The following PER3 variants were observed in gnomAD, a reference collection of about 807,000 sequenced individuals.
PER3 encodes the protein period circadian protein homolog 3.
In PER3, 107 loss-of-function variants were observed where a neutral mutation model predicts 127.2. The ratio of observed to expected loss-of-function variants is 0.84; its 90% confidence interval spans 0.72 to 0.99. PER3 has a LOEUF of 0.99. Ranked by LOEUF, PER3 falls within the 50% of genes least tolerant of loss-of-function variation. The pLI, the probability that PER3 is intolerant of heterozygous loss-of-function variation, is 0.00. For missense variants in PER3, 1,560 were observed against 1,525.8 expected (o/e 1.02, Z -0.37); for synonymous variants, 618 against 585.8 (o/e 1.05, Z -0.79).
In PER3 at chr1:7,801,184, G is replaced by A. The variant is rs1290464310; in HGVS notation, c.865G>A (p.Asp289Asn). Residue 289 changes from aspartate (D) to asparagine (N), a missense_variant, in exon 8 of 22, where the codon GAT (aspartate) becomes AAT (asparagine). By Grantham distance (23) the Asp-to-Asn change is conservative. Coordinates refer to ENST00000377532, the MANE Select transcript of PER3 (RefSeq NM_001377275.1). The part of the protein sequence containing the change: ...HTPGCVFLEV[D>N]EKAVPLLGYL... Reference sequence around the variant, plus strand: ...CCCAGGGTGTGTTTTTCTTGAAGTAGATGAAAAGTAAGTACTTCTTTAAGC... The same window carrying A: ...CCCAGGGTGTGTTTTTCTTGAAGTAAATGAAAAGTAAGTACTTCTTTAAGC... 1.3e-6 allele frequency: 2 copies of A among 1,562,902 alleles called. No individual in the cohort carries two copies. Among genetic ancestry groups the A allele is most frequent in the Non-Finnish European group, 1.8e-6 (2 of 1,140,396 alleles).
At chr1:7,819,256 T>G (rs776944068) in intron 13 of PER3, 29 bp from the exon 14 acceptor site, 2 of 1,598,520 alleles carry the variant, frequency 1.3e-6, no homozygotes, top group Non-Finnish European at 1.7e-6. Flanking sequence ...TGGGTACTTT[T>G]AATTGCACAT....
chr1:7,784,626 C>T (rs2097076126), intron 1 of PER3, 28 bp from the exon 2 acceptor site: 1 of 374,620 alleles, frequency 2.7e-6, no homozygotes, highest in East Asian at 4.3e-5. Context: ...TCCATTTGTC[C>T]CTTGTCACCC....
chr1:7,834,550 G>T (rs2097348823), intron 19 of PER3, among the ~76,000 whole-genome samples: 1 of 152,024 alleles, frequency 6.6e-6, no homozygotes, highest in Non-Finnish European at 1.5e-5. Context: ...CAAACTCCTG[G>T]GCTCAAGCAA....
chr1:7,827,538 C>T lies in PER3; in HGVS notation c.2609C>T (p.Ser870Leu), dbSNP rs1232390742. 8.7e-6 allele frequency: 14 copies of T among 1,614,068 alleles called. No homozygotes were observed. The highest frequency in any genetic ancestry group is 2.2e-5 in the South Asian group (2 of 91,088). The change falls in exon 18 of 22, where the codon TCG (serine) becomes TTG (leucine). Residue 870 changes from serine (S) to leucine (L), a missense_variant. By Grantham distance (145) the Ser-to-Leu change is moderately radical. Coordinates refer to ENST00000377532, the MANE Select transcript of PER3 (RefSeq NM_001377275.1). ...LPDPPVCPLLSPSFLPCPFLG... is the reference protein window; with the variant it reads ...LPDPPVCPLLLPSFLPCPFLG... The stretch of plus-strand genomic sequence containing the variant: ...GACCCCCCTGTCTGTCCTCTGTTGT[C>T]GCCATCGTTTTTGCCATGTCCATTC...
rs973240078 is a variant in PER3, at chr1:7,845,057, A to C, written c.*2302A>C. 1 of 152,388 alleles carries C rather than the reference A, an allele frequency of 6.6e-6. No individual in the cohort carries two copies. The highest frequency in any genetic ancestry group is 1.5e-5 in the Non-Finnish European group (1 of 68,056). 9.4% of individuals were successfully genotyped at this position (152,388 alleles called of 1,614,324 possible). On this transcript the variant is annotated 3_prime_UTR_variant, in exon 22 of 22. Transcript: ENST00000377532. Reference sequence around the variant, plus strand: ...CACAGTGTAAATTTAATCCAAACTGAAATTTTGTTTCAACTGAATTTGTAA... The same window carrying C: ...CACAGTGTAAATTTAATCCAAACTGCAATTTTGTTTCAACTGAATTTGTAA...
intron 16 of PER3, among the ~76,000 whole-genome samples, chr1:7,825,445 G>A (rs1286806388): frequency 6.6e-6 from 1 of 152,208 alleles, no homozygotes; most frequent in Non-Finnish European, 1.5e-5. Context: ...CAGCAGTGTA[G>A]AAGTATGAGA....
Position 7,784,693 on chromosome 1 carries a change from A to G in PER3, c.-185A>G. Reference sequence around the variant, plus strand: ...AGTCGAGCGAGCTCCGGGTTTTGAAAATGTTGGAGGGAAAAGCTCCTCGGA... The same window carrying G: ...AGTCGAGCGAGCTCCGGGTTTTGAAGATGTTGGAGGGAAAAGCTCCTCGGA... On this transcript the variant is annotated 5_prime_UTR_variant, in exon 2 of 22. Transcript: ENST00000377532. 1.8e-6 allele frequency: 1 copy of G among 541,114 alleles called. No homozygotes were observed. The highest frequency in any genetic ancestry group is 3.7e-5 in the South Asian group (1 of 27,116). The allele number at this position is 541,114 out of a possible 1,614,324, so 33.5% of individuals were successfully genotyped here. A position where few individuals can be genotyped will look rare whatever the true frequency, so the allele number is the denominator to read the frequency against.
At chr1:7,810,101 G>GTA (rs2097212866) in intron 12 of PER3, 80 bp downstream of exon 12, 22 of 1,353,918 alleles carry the variant, frequency 1.6e-5, no homozygotes, top group Non-Finnish European at 2.1e-5. Context: ...TGACATCTTA[G>GTA]TATATATTCC....
At chr1:7,823,831 AACT>A (rs1471697869) in intron 16 of PER3, among the ~76,000 whole-genome samples, 1 of 152,200 alleles carries the variant, frequency 6.6e-6, no homozygotes, top group Non-Finnish European at 1.5e-5. Flanking sequence ...GAGACCCAGT[AACT>A]GTATAATCCA....
intron 5 of PER3, among the ~76,000 whole-genome samples, chr1:7,793,114 T>C (rs1165757137): frequency 2.0e-5 from 3 of 152,254 alleles, no homozygotes; most frequent in Non-Finnish European, 2.9e-5. Flanking sequence ...CTGTTTATGC[T>C]ACCTTCAGTG....
chr1:7,814,394 G>T (rs1293589427), intron 13 of PER3, among the ~76,000 whole-genome samples: 1 of 152,210 alleles, frequency 6.6e-6, no homozygotes, highest in African/African-American at 2.4e-5. Flanking sequence ...AATTGTAACA[G>T]ACATTTCTTC....
At position 7,810,422 on chromosome 1, in the gene PER3, C is replaced by G; in HGVS notation, c.1372-16C>G. ...TTATAATTTTTGAAACATATTTTAT[C>G]ATTCCTTTCCCTAAGATGACCTTGC... On this transcript the variant is annotated splice_polypyrimidine_tract_variant and intron_variant, in intron 12 of 21. Transcript: ENST00000377532. 2 of 1,556,674 alleles carry G rather than the reference C, an allele frequency of 1.3e-6. No homozygotes were observed. Among genetic ancestry groups the G allele is most frequent in the Admixed American group, 4.0e-5 (2 of 50,232 alleles).
rs770356226 is a variant in PER3 at position 7,827,361 on chromosome 1, C to A, written c.2432C>A (p.Pro811His). 1 of 1,614,136 alleles carries A rather than the reference C, an allele frequency of 6.2e-7. No homozygotes were observed. Residue 811 changes from proline (P) to histidine (H), a missense_variant, in exon 18 of 22, where the codon CCC (proline) becomes CAC (histidine). This residue lies in a region of PER3 where 1,332 missense variants were observed against 1,223.6 expected (regional missense o/e 1.09). Transcript: ENST00000377532. ...SQAPYLVPAF[P>H]LPAATSPGRE... ...GCCCCTTACCTCGTCCCAGCTTTTCCCCTCCCAGCCGCGACCTCACCCGGA... is the reference window on the plus strand; with the variant it reads ...GCCCCTTACCTCGTCCCAGCTTTTCACCTCCCAGCCGCGACCTCACCCGGA...
intron 6 of PER3, among the ~76,000 whole-genome samples, chr1:7,794,859 CATAAT>C (rs1320563796): frequency 1.3e-5 from 2 of 150,192 alleles, no homozygotes; most frequent in African/African-American, 4.9e-5. Context: ...ATGTTATATA[CATAAT>C]ATATAATTAT....
intron 21 of PER3, among the ~76,000 whole-genome samples, chr1:7,838,844 A>G (rs575685226): frequency 3.9e-5 from 6 of 152,240 alleles, no homozygotes; most frequent in Non-Finnish European, 8.8e-5. Flanking sequence ...ATCTAGATCT[A>G]AAGTGAGTAG....
intron 20 of PER3, among the ~76,000 whole-genome samples, chr1:7,836,248 C>T (rs1489866324): frequency 2.6e-5 from 4 of 152,134 alleles, no homozygotes; most frequent in African/African-American, 4.8e-5. Flanking sequence ...GGTGCCATCT[C>T]GGCTCACTAC....
In PER3 at chr1:7,803,639, T is replaced by C. The variant is rs540570826; in HGVS notation, c.980-53T>C. The stretch of plus-strand genomic sequence containing the variant: ...ATAAATGGCTTAAAAAGGACATTTG[T>C]AATCAGTATCTGTGTTAAGTAAATC... On this transcript the variant is annotated intron_variant, in intron 9 of 21. Coordinates refer to ENST00000377532, the MANE Select transcript of PER3 (RefSeq NM_001377275.1). 4.4e-6 allele frequency: 5 copies of C among 1,132,338 alleles called. No individual in the cohort carries two copies. In the African/African-American group the frequency reaches 6.3e-5, roughly 14 times the overall value. 70.1% of individuals were successfully genotyped at this position (1,132,338 alleles called of 1,614,324 possible).
At chr1:7,817,737 T>C (rs950933617) in intron 13 of PER3, among the ~76,000 whole-genome samples, 1 of 152,070 alleles carries the variant, frequency 6.6e-6, no homozygotes, top group African/African-American at 2.4e-5. Context: ...TTATACCAAA[T>C]AAAGAATAAA....
intron 2 of PER3, 125 bp downstream of exon 2, chr1:7,785,130 C>T: frequency 9.7e-7 from 1 of 1,030,148 alleles, no homozygotes; most frequent in Non-Finnish European, 1.4e-6. Flanking sequence ...AAAGGGGAGA[C>T]TCGGGCAATG....
Sources: allele counts gnomAD v4.1 joint callset (sites outside exome capture counted in the v4.1 genomes callset), GRCh38; gene constraint gnomAD v4.1.1; regional missense constraint gnomAD v4.1.1; transcripts MANE v1.5; gene names NCBI Gene and HGNC (gene_info 2026-07-23, HGNC 2026-07-21).